EGF: variants seen among roughly 807,000 people sequenced by gnomAD.
The protein encoded by EGF is pro-epidermal growth factor.
EGF carries 95 observed loss-of-function variants against 143.8 expected under a neutral mutation model. The ratio of observed to expected loss-of-function variants is 0.66; its 90% CI spans 0.56 to 0.78. The LOEUF (loss-of-function observed/expected upper bound fraction) is 0.78. Ranked by LOEUF, EGF falls within the 30% of genes least tolerant of loss-of-function variation. The probability of loss-of-function intolerance (pLI) is 0.00; values close to 1 mark genes in which losing one functional copy is unlikely to be tolerated. For missense variants in EGF, 1,320 were observed against 1,470.9 expected (o/e 0.90, Z 1.68); for synonymous variants, 510 against 510.5 (o/e 1.00, Z 0.01).
rs11568862 is a variant in EGF, at chr4:109,929,226, T to A, written c.128-11720T>A. Among the ~76,000 whole-genome samples, 1,985 of 152,280 alleles carry A rather than the reference T, an allele frequency of 0.013. 208 individuals are homozygous for A. In the East Asian group the frequency reaches 0.23, roughly 18 times the overall value. On this transcript the variant is annotated intron_variant, in intron 1 of 23. Coordinates refer to ENST00000265171, the MANE Select transcript of EGF (RefSeq NM_001963.6). ...TGGTCTTTAAAAGCTAGGGTCTGTG[T>A]TGAGAAAGGCATAGCTTTGTACCCC...
intron 21 of EGF, chr4:110,001,749 T>A: frequency 1.0e-6 from 1 of 985,328 alleles, no homozygotes; most frequent in Non-Finnish European, 1.2e-6. Flanking sequence ...CATATAAGAG[T>A]ATCTTCAACC....
At chr4:109,936,235 G>A (rs1184279404) in intron 1 of EGF, among the ~76,000 whole-genome samples, 1 of 152,122 alleles carries the variant, frequency 6.6e-6, no homozygotes, top group Non-Finnish European at 1.5e-5. Context: ...CCTGTTATTG[G>A]TCTATTCAGA....
At chr4:110,009,063 C>T (rs1753683633) in intron 23 of EGF, among the ~76,000 whole-genome samples, 1 of 152,162 alleles carries the variant, frequency 6.6e-6, no homozygotes, top group South Asian at 2.1e-4. Context: ...TCATAACCTC[C>T]TCCTCAGATT....
At chr4:109,979,941 G>A in intron 13 of EGF, 31 bp from the exon 14 acceptor site, 1 of 1,612,842 alleles carries the variant, frequency 6.2e-7, no homozygotes, top group Non-Finnish European at 8.5e-7. Flanking sequence ...AGACAAAGAA[G>A]GTGTATTTAA....
rs11568885 is a variant in EGF at position 109,941,082 on chromosome 4, C to A, written c.264C>A (p.Ile88=). 2 of 1,613,888 alleles carry A rather than the reference C, an allele frequency of 1.2e-6. No individual in the cohort carries two copies. The change falls in exon 2 of 24, where the codon ATC becomes ATA. Residue 88 remains isoleucine (I), a synonymous_variant. Coordinates refer to ENST00000265171, the MANE Select transcript of EGF (RefSeq NM_001963.6). ...ATTTTCATTATAATGAGAAAAGAATCTATTGGGTGGATTTAGAAAGACAAC... is the reference window on the plus strand; with the variant it reads ...ATTTTCATTATAATGAGAAAAGAATATATTGGGTGGATTTAGAAAGACAAC... ...IMDFHYNEKR[I]YWVDLERQLL...
chr4:109,995,566 C>G (rs752415362), intron 20 of EGF, among the ~76,000 whole-genome samples: 4 of 152,128 alleles, frequency 2.6e-5, no homozygotes, highest in Non-Finnish European at 4.4e-5. Context: ...TCCTGTGGAC[C>G]CTTTAACAAA....
intron 5 of EGF, among the ~76,000 whole-genome samples, chr4:109,955,727 GACATGATC>G (rs1744685794): frequency 6.6e-6 from 1 of 152,194 alleles, no homozygotes; most frequent in African/African-American, 2.4e-5. Flanking sequence ...GGTTGCAGGT[GACATGATC>G]ACAGGGTTTT....
chr4:109,944,974 TG>T, intron 4 of EGF, 98 bp from the exon 5 acceptor site: 3 of 1,246,564 alleles, frequency 2.4e-6, no homozygotes, highest in Middle Eastern at 2.6e-4. Context: ...AAAACGTAGG[TG>T]GTTAAAACTT....
At chr4:109,977,629 A>T (rs2126108513) in intron 13 of EGF, 1 of 152,150 alleles carries the variant, frequency 6.6e-6, no homozygotes, top group Non-Finnish European at 1.5e-5. Flanking sequence ...ACTAGAGCCC[A>T]GGAGTTCGAG....
intron 10 of EGF, 95 bp downstream of exon 10, chr4:109,964,632 C>G: frequency 6.5e-7 from 1 of 1,534,978 alleles, no homozygotes; most frequent in African/African-American, 1.4e-5. Flanking sequence ...TGAAAATCCT[C>G]TGCTAAGTTC....
intron 7 of EGF, 112 bp from the exon 8 acceptor site, chr4:109,961,751 C>T: frequency 7.1e-7 from 1 of 1,405,914 alleles, no homozygotes; most frequent in South Asian, 1.2e-5. Flanking sequence ...GTAATCCCAA[C>T]ACTTTGGGAG....
intron 20 of EGF, among the ~76,000 whole-genome samples, chr4:109,998,314 C>T (rs1285042419): frequency 6.6e-6 from 1 of 152,230 alleles, no homozygotes; most frequent in Non-Finnish European, 1.5e-5. Flanking sequence ...TGCTTTTGCA[C>T]TCAGATCCTG....
chr4:109,970,642 T>A (rs144115029), intron 11 of EGF, among the ~76,000 whole-genome samples: 19 of 151,994 alleles, frequency 1.3e-4, no homozygotes, highest in South Asian at 4.2e-4. Context: ...CTGGCTAACA[T>A]GGTGAAACCC....
In EGF at chr4:110,011,263, A is replaced by G. The variant is rs748793287; in HGVS notation, c.3432A>G (p.Gln1144=). ...EPQLCGMGTE[Q]GCWIPVSSDK... ...AGTTATGTGGAATGGGCACAGAGCA[A>G]GGCTGCTGGATTCCAGTATCCAGTG... The change falls in exon 24 of 24, where the codon CAA becomes CAG. Residue 1144 remains glutamine, a synonymous_variant. Coordinates refer to ENST00000265171, the MANE Select transcript of EGF (RefSeq NM_001963.6). 1.2e-6 allele frequency: 2 copies of G among 1,614,196 alleles called. No homozygotes were observed. Among genetic ancestry groups the G allele is most frequent in the Non-Finnish European group, 1.7e-6 (2 of 1,180,028 alleles).
At position 109,945,347 on chromosome 4, in the gene EGF, T is replaced by C. The variant is rs1196363724; in HGVS notation, c.940+72T>C. On this transcript the variant is annotated intron_variant, in intron 5 of 23. Transcript: ENST00000265171. ...CCATTCACCTGCTTGAGCCAGACAA[T>C]GAGGCGTTGTAGGGGAAAAAAAATT... 4.0e-6 allele frequency: 6 copies of C among 1,517,150 alleles called. No homozygotes were observed. In the East Asian group the frequency reaches 9.2e-5, roughly 23 times the overall value. The allele number at this position is 1,517,150 out of a possible 1,614,324, so 94.0% of individuals were successfully genotyped here.
intron 1 of EGF, among the ~76,000 whole-genome samples, chr4:109,917,677 G>A (rs537215879): frequency 6.6e-6 from 1 of 152,238 alleles, no homozygotes. Context: ...CTGGAGTACA[G>A]TGGCATGATC....
intron 4 of EGF, among the ~76,000 whole-genome samples, chr4:109,944,696 T>C (rs1299729998): frequency 6.6e-6 from 1 of 152,250 alleles, no homozygotes; most frequent in African/African-American, 2.4e-5. Flanking sequence ...TTTTTATCTT[T>C]CATTGATTTG....
At chr4:109,955,527 A>G (rs1415167419) in intron 5 of EGF, among the ~76,000 whole-genome samples, 1 of 152,218 alleles carries the variant, frequency 6.6e-6, no homozygotes, top group Non-Finnish European at 1.5e-5. Flanking sequence ...TAGGCAGAGG[A>G]GAATAGTGAT....
At chr4:109,915,071 T>C (rs1160319078) in intron 1 of EGF, among the ~76,000 whole-genome samples, 1 of 152,198 alleles carries the variant, frequency 6.6e-6, no homozygotes, top group Non-Finnish European at 1.5e-5. Flanking sequence ...GGCAAGCAAG[T>C]CTATGCCTTG....
Sources: allele counts gnomAD v4.1 joint callset (sites outside exome capture counted in the v4.1 genomes callset), GRCh38; gene constraint gnomAD v4.1.1; transcripts MANE v1.5; gene names NCBI Gene and HGNC (gene_info 2026-07-23, HGNC 2026-07-21).